PLA2G4E: variants seen among roughly 807,000 people sequenced by gnomAD.
PLA2G4E encodes the protein phospholipase A2 group IVE.
PLA2G4E carries 84 observed loss-of-function variants against 109.1 expected under a neutral mutation model. That is an observed-to-expected ratio of 0.77 (90% CI 0.65 to 0.92). The LOEUF is 0.92. Ranked by LOEUF, PLA2G4E falls within the 40% of genes least tolerant of loss-of-function variation. PLA2G4E has a pLI of 0.00. For missense variants in PLA2G4E, 1,057 were observed against 1,076.6 expected (o/e 0.98, Z 0.25); for synonymous variants, 469 against 436.1 (o/e 1.08, Z -0.94).
chr15:42,014,885 G>A (rs1157780231), intron 1 of PLA2G4E, among the ~76,000 whole-genome samples: 8 of 152,070 alleles, frequency 5.3e-5, no homozygotes, highest in Non-Finnish European at 7.4e-5. Context: ...ATGCCTCTGC[G>A]GGTCATGATA....
chr15:42,013,866 A>C, intron 1 of PLA2G4E, 109 bp from the exon 2 acceptor site: 1 of 660,426 alleles, frequency 1.5e-6, no homozygotes, highest in Non-Finnish European at 2.5e-6. Flanking sequence ...GTTGCATTAC[A>C]ACAACCCCTA....
chr15:42,013,632 C>G lies in PLA2G4E; in HGVS notation c.256+53G>C. On this transcript the variant is annotated intron_variant, in intron 2 of 19. Coordinates refer to ENST00000399518, the Ensembl canonical transcript of PLA2G4E. ...CTGACCATTTCTCCAGCCAGGGCCT[C>G]TTCCATCCAGATCCGGTAAGCAGAG... 2.0e-6 allele frequency: 3 copies of G among 1,505,056 alleles called. No homozygotes were observed. The Admixed American group carries it at 6.0e-5, about 30-fold the overall frequency. The allele number at this position is 1,505,056 out of a possible 1,614,324, so 93.2% of individuals were successfully genotyped here.
At chr15:42,050,460 G>A in intron 1 of PLA2G4E, 1 of 1,487,602 alleles carries the variant, frequency 6.7e-7, no homozygotes, top group Non-Finnish European at 9.1e-7. Flanking sequence ...CTTATTCCGA[G>A]TCAGGAAAGT....
At position 42,026,904 on chromosome 15, in the gene PLA2G4E, CAG is replaced by C. The variant is rs758312483; in HGVS notation, c.184-13149_184-13148del. ...AAAAGAACCGCTTGAACCCAGGAGA[CAG>C]AGATTGCAGTGAGCTGAGATCACAC... On this transcript the variant is annotated intron_variant, in intron 1 of 19. Coordinates refer to ENST00000399518, the Ensembl canonical transcript of PLA2G4E. 5.3e-5 allele frequency among the ~76,000 whole-genome samples: 8 copies of C among 150,796 alleles called. No homozygotes were observed. The East Asian group carries it at 7.8e-4, about 15-fold the overall frequency.
intron 11 of PLA2G4E, among the ~76,000 whole-genome samples, chr15:41,996,836 G>A (rs1174295873): frequency 6.6e-6 from 1 of 152,232 alleles, no homozygotes; most frequent in African/African-American, 2.4e-5. Context: ...GGGGTGAGGA[G>A]GGCATTTTAT....
At chr15:41,986,120 A>G in intron 17 of PLA2G4E, 115 bp from the exon 18 acceptor site, 10 of 1,116,052 alleles carry the variant, frequency 9.0e-6, no homozygotes, top group Non-Finnish European at 1.3e-5. Flanking sequence ...CAGCCTGACC[A>G]GGACGCCCAC....
At chr15:42,000,799 G>T (rs539280473) in intron 7 of PLA2G4E, among the ~76,000 whole-genome samples, 1 of 152,126 alleles carries the variant, frequency 6.6e-6, no homozygotes, top group Admixed American at 6.5e-5. Context: ...CTAGAGGAAG[G>T]GGCATAGTTA....
chr15:42,034,595 G>C (rs1309124717), intron 1 of PLA2G4E, among the ~76,000 whole-genome samples: 1 of 152,146 alleles, frequency 6.6e-6, no homozygotes, highest in East Asian at 1.9e-4. Flanking sequence ...CATCCTCTTA[G>C]ACTCAGTGAT....
chr15:41,985,936 G>A (rs767161401), exon 18 of PLA2G4E: 3 of 1,606,166 alleles, frequency 1.9e-6, no homozygotes, highest in Non-Finnish European at 2.6e-6. Flanking sequence ...GACAAAGAAC[G>A]CAGTGTCCAG....
intron 1 of PLA2G4E, among the ~76,000 whole-genome samples, chr15:42,035,717 C>T (rs1889201283): frequency 6.6e-6 from 1 of 152,320 alleles, no homozygotes; most frequent in Non-Finnish European, 1.5e-5. Flanking sequence ...GGGTAAGGAG[C>T]ACCCTGGGGC....
Position 42,028,327 on chromosome 15 carries a change from C to T in PLA2G4E, c.184-14570G>A, listed in dbSNP as rs549899365. Among the ~76,000 whole-genome samples, 3 of 152,204 alleles carry T rather than the reference C, an allele frequency of 2.0e-5. No homozygotes were observed. The South Asian group carries it at 6.2e-4, about 32-fold the overall frequency. On this transcript the variant is annotated intron_variant, in intron 1 of 19. Coordinates refer to ENST00000399518, the Ensembl canonical transcript of PLA2G4E. Reference sequence around the variant, plus strand: ...AACCACTATGATCCCAGGTAGAAAGCTGCTGACCTGGAAAACTGAGATTCT... The same window carrying T: ...AACCACTATGATCCCAGGTAGAAAGTTGCTGACCTGGAAAACTGAGATTCT...
At position 42,013,772 on chromosome 15, in the gene PLA2G4E, G is replaced by C. The variant is rs1433472385; in HGVS notation, c.184-15C>G. The stretch of plus-strand genomic sequence containing the variant: ...GACAGCCCCTCCTGTGGAAGGAGAG[G>C]ACAGAGGACTCAGTCTTCAAGCATT... On this transcript the variant is annotated splice_polypyrimidine_tract_variant and intron_variant, in intron 1 of 19. Transcript: ENST00000399518. The C allele has an allele frequency of 6.5e-7, 1 of 1,546,042 alleles. No individual in the cohort carries two copies. The highest frequency in any genetic ancestry group is 8.7e-7 in the Non-Finnish European group (1 of 1,143,696).
At chr15:41,989,383 C>T (rs1389261880) in intron 15 of PLA2G4E, 32 bp downstream of exon 15, 9 of 1,613,076 alleles carry the variant, frequency 5.6e-6, no homozygotes, top group Non-Finnish European at 6.8e-6. Context: ...GGCAGCAGCC[C>T]CCTGTCATTC....
Position 41,997,492 on chromosome 15 carries a change from G to A in PLA2G4E, c.975-233C>T, listed in dbSNP as rs931595959. 1.1e-5 allele frequency: 4 copies of A among 376,148 alleles called. No individual in the cohort carries two copies. In the South Asian group the frequency reaches 2.3e-4, roughly 21 times the overall value. 23.3% of individuals were successfully genotyped at this position (376,148 alleles called of 1,614,324 possible). On this transcript the variant is annotated intron_variant, in intron 10 of 19. Transcript: ENST00000399518. ...TGCAAAGCCCCCAAAGCCTTAGCTG[G>A]CACAATGCGAGCTGGTACTCAACAA...
At chr15:42,050,496 C>A (rs1398721284) in intron 1 of PLA2G4E, 1 of 1,543,212 alleles carries the variant, frequency 6.5e-7, no homozygotes, top group Middle Eastern at 1.7e-4. Context: ...GGGACCAGAC[C>A]CCCCTCCCAG....
chr15:42,014,724 T>C (rs2068571793), intron 1 of PLA2G4E, among the ~76,000 whole-genome samples: 1 of 152,202 alleles, frequency 6.6e-6, no homozygotes, highest in South Asian at 2.1e-4. Context: ...CTGGTCACTC[T>C]ATTTTCCCTT....
chr15:41,984,482 A>G, exon 19 of PLA2G4E: 1 of 1,613,860 alleles, frequency 6.2e-7, no homozygotes, highest in Non-Finnish European at 8.5e-7. Context: ...GTGGGAAGAA[A>G]GTCACGATGG....
intron 13 of PLA2G4E, among the ~76,000 whole-genome samples, chr15:41,992,360 C>G (rs2068263967): frequency 1.3e-5 from 2 of 152,090 alleles, no homozygotes; most frequent in Admixed American, 1.3e-4. Flanking sequence ...GGGATGCTGC[C>G]GCCTGACCTT....
intron 2 of PLA2G4E, among the ~76,000 whole-genome samples, chr15:42,012,705 T>G (rs1464224791): frequency 7.2e-5 from 11 of 152,250 alleles, no homozygotes; most frequent in Non-Finnish European, 1.6e-4. Flanking sequence ...ATGGGAACGT[T>G]GTTATTCTAT....
Sources: allele counts gnomAD v4.1 joint callset (sites outside exome capture counted in the v4.1 genomes callset), GRCh38; gene constraint gnomAD v4.1.1; transcripts MANE v1.5; gene names NCBI Gene and HGNC (gene_info 2026-07-23, HGNC 2026-07-21).